The following PTPRT variants were observed in gnomAD, a reference collection of about 807,000 sequenced individuals.
PTPRT encodes the protein receptor-type tyrosine-protein phosphatase T.
A neutral mutation model predicts 176.8 loss-of-function variants in PTPRT; 56 were observed. The ratio of observed to expected loss-of-function variants is 0.32; its 90% CI spans 0.26 to 0.40. PTPRT has a LOEUF of 0.40. Ranked by LOEUF, PTPRT falls within the 10% of genes least tolerant of loss-of-function variation. PTPRT has a pLI of 1.00. For missense variants in PTPRT, 1,540 were observed against 1,908.2 expected (o/e 0.81, Z 3.60); for synonymous variants, 783 against 739.0 (o/e 1.06, Z -0.96).
intron 6 of PTPRT, among the ~76,000 whole-genome samples, chr20:42,704,827 T>C (rs2076027265): frequency 1.3e-5 from 2 of 152,172 alleles, no homozygotes; most frequent in Non-Finnish European, 2.9e-5. Context: ...GTATTGGCTG[T>C]TTACTTTCTT....
At chr20:42,945,506 T>C (rs1304511595) in intron 1 of PTPRT, among the ~76,000 whole-genome samples, 3 of 152,166 alleles carry the variant, frequency 2.0e-5, no homozygotes, top group East Asian at 1.9e-4. Context: ...CAACAAAACA[T>C]GGAAGAGACA....
intron 1 of PTPRT, among the ~76,000 whole-genome samples, chr20:43,028,340 C>G (rs1006302236): frequency 3.3e-5 from 5 of 152,132 alleles, no homozygotes; most frequent in African/African-American, 4.8e-5. Flanking sequence ...GCCCTTTGAA[C>G]TTGATGCATA....
At chr20:42,796,190 G>C (rs1343650890) in intron 2 of PTPRT, among the ~76,000 whole-genome samples, 1 of 152,228 alleles carries the variant, frequency 6.6e-6, no homozygotes, top group Admixed American at 6.5e-5. Context: ...TTCCTAACCA[G>C]TAGCTAATAA....
intron 7 of PTPRT, among the ~76,000 whole-genome samples, chr20:42,492,153 T>C (rs745908117): frequency 1.3e-5 from 2 of 152,198 alleles, no homozygotes; most frequent in African/African-American, 2.4e-5. Flanking sequence ...TGGACATTCA[T>C]GTATAAGTTT....
chr20:42,757,052 T>TAA (rs554308907), intron 5 of PTPRT, among the ~76,000 whole-genome samples: 24 of 118,592 alleles, frequency 2.0e-4, no homozygotes, highest in African/African-American at 3.0e-4. Flanking sequence ...CCTGCCTCTT[T>TAA]AAAAAAAAAA....
intron 11 of PTPRT, among the ~76,000 whole-genome samples, chr20:42,343,744 C>T (rs945460091): frequency 6.6e-6 from 1 of 152,170 alleles, no homozygotes; most frequent in African/African-American, 2.4e-5. Context: ...CCTACACTGG[C>T]CAGCACTTCG....
chr20:43,087,897 A>C (rs1011928260), intron 1 of PTPRT, among the ~76,000 whole-genome samples: 8 of 152,178 alleles, frequency 5.3e-5, no homozygotes, highest in African/African-American at 1.9e-4. Context: ...GGGAAGGGGA[A>C]GAATGGATGG....
chr20:42,230,798 T>C (rs1395351059), intron 15 of PTPRT, among the ~76,000 whole-genome samples: 1 of 152,214 alleles, frequency 6.6e-6, no homozygotes, highest in Non-Finnish European at 1.5e-5. Context: ...ACCCACATGA[T>C]TCACATTTGT....
At chr20:42,458,064 C>T (rs571805425) in intron 8 of PTPRT, among the ~76,000 whole-genome samples, 25 of 152,180 alleles carry the variant, frequency 1.6e-4, no homozygotes, top group Non-Finnish European at 3.7e-4. Context: ...TCTTCTCCTC[C>T]AATTCCCTAA....
chr20:42,847,070 T>C (rs2078385991), intron 2 of PTPRT, among the ~76,000 whole-genome samples: 1 of 152,196 alleles, frequency 6.6e-6, no homozygotes. Flanking sequence ...TCAAATTAGT[T>C]AATGCCTAGA....
chr20:42,095,454 G>T (rs1216315946), intron 27 of PTPRT, among the ~76,000 whole-genome samples: 1 of 152,184 alleles, frequency 6.6e-6, no homozygotes, highest in Non-Finnish European at 1.5e-5. Context: ...CAGCCTGGGT[G>T]CAGGTGTTCC....
chr20:42,679,290 T>G (rs2075561463), intron 6 of PTPRT, among the ~76,000 whole-genome samples: 2 of 149,178 alleles, frequency 1.3e-5, no homozygotes, highest in Non-Finnish European at 2.9e-5. Flanking sequence ...CACCTTAACT[T>G]TAATGGGGAA....
At chr20:42,035,643 A>G in the PTPRT span, among the ~76,000 whole-genome samples, 1 of 152,152 alleles carries the variant, frequency 6.6e-6, no homozygotes, top group Non-Finnish European at 1.5e-5. Flanking sequence ...CACTGAGCAC[A>G]TAATTATGAT....
At chr20:43,185,734 G>A (rs1438947998) in intron 1 of PTPRT, among the ~76,000 whole-genome samples, 1 of 152,106 alleles carries the variant, frequency 6.6e-6, no homozygotes, top group Non-Finnish European at 1.5e-5. Flanking sequence ...AGGAGTTCAA[G>A]ACCAGCTGGC....
At chr20:43,077,473 T>C (rs1371194307) in intron 1 of PTPRT, among the ~76,000 whole-genome samples, 3 of 151,972 alleles carry the variant, frequency 2.0e-5, no homozygotes, top group Non-Finnish European at 2.9e-5. Flanking sequence ...CAAAATTTTG[T>C]TGCAAATACC....
intron 1 of PTPRT, among the ~76,000 whole-genome samples, chr20:43,008,378 T>A (rs78438331): frequency 0.064 from 9,755 of 152,188 alleles, 345 homozygotes; most frequent in Non-Finnish European, 0.081. Flanking sequence ...GATCTTGGAT[T>A]TCCCAGGCTC....
At chr20:42,233,901 A>G (rs1038114798) in intron 15 of PTPRT, among the ~76,000 whole-genome samples, 6 of 152,132 alleles carry the variant, frequency 3.9e-5, no homozygotes, top group Admixed American at 3.9e-4. Flanking sequence ...TTATCATTGC[A>G]CCTTCAACTG....
At chr20:43,042,707 A>AT (rs1986660490) in intron 1 of PTPRT, among the ~76,000 whole-genome samples, 1 of 26,124 alleles carries the variant, frequency 3.8e-5, no homozygotes, top group African/African-American at 1.7e-4. Flanking sequence ...TCTTCCACCC[A>AT]CCCTCCCACC....
chr20:42,930,303 C>A (rs929903970), intron 1 of PTPRT, among the ~76,000 whole-genome samples: 1 of 152,106 alleles, frequency 6.6e-6, no homozygotes. Context: ...TGGATCCCTG[C>A]CACTGCAGGT....
Sources: gnomAD v4.1 joint callset for allele counts (sites outside exome capture counted in the v4.1 genomes callset) on GRCh38, gnomAD v4.1.1 for gene constraint, MANE v1.5 for transcripts, NCBI Gene and HGNC (gene_info 2026-07-23, HGNC 2026-07-21) for gene names.